Variants in FRMPD2 observed in about 807,000 individuals in gnomAD.
FRMPD2 encodes FERM and PDZ domain-containing protein 2.
A neutral mutation model predicts 140.1 loss-of-function variants in FRMPD2; 96 were observed. The ratio of observed to expected loss-of-function variants is 0.69; its 90% CI spans 0.58 to 0.81. The LOEUF (loss-of-function observed/expected upper bound fraction) is 0.81. Ranked by LOEUF, FRMPD2 falls within the 40% of genes least tolerant of loss-of-function variation. The probability of loss-of-function intolerance (pLI) is 0.00; values close to 1 mark genes in which losing one functional copy is unlikely to be tolerated. For missense variants in FRMPD2, 1,240 were observed against 1,447.4 expected, an observed-to-expected ratio of 0.86 and a Z score of 2.32; for synonymous variants, 449 against 547.6, an observed-to-expected ratio of 0.82 and a Z score of 2.52.
chr10:48,232,310 A>G (rs1260423045), intron 9 of FRMPD2, 21 bp from the exon 10 acceptor site: 3 of 1,568,540 alleles, frequency 1.9e-6, no homozygotes, highest in East Asian at 2.2e-5. Flanking sequence ...CAACAGTATC[A>G]ATTATACTAC....
Position 48,189,014 on chromosome 10 carries a change from T to C in FRMPD2, c.2166-1722A>G, listed in dbSNP as rs990947305. On this transcript the variant is annotated intron_variant, in intron 16 of 28. Coordinates refer to ENST00000374201, the MANE Select transcript of FRMPD2 (RefSeq NM_001018071.4). ...GAGCTCTGGGGATGGACTTTCGTGA[T>C]GGTAGCACAACATCATGAATGGACT... is the stretch of plus-strand genomic sequence containing the variant. 5.5e-4 allele frequency among the ~76,000 whole-genome samples: 83 copies of C among 152,200 alleles called. 3 individuals are homozygous for C.
At chr10:48,193,036 T>A (rs776296032) in intron 15 of FRMPD2, 142 bp from the exon 16 acceptor site, 17 of 654,668 alleles carry the variant, frequency 2.6e-5, no homozygotes, top group Non-Finnish European at 4.0e-5. Context: ...CCTGTGATTA[T>A]CCCTGGGAAT....
chr10:48,237,604 C>G (rs1420329661), intron 8 of FRMPD2, among the ~76,000 whole-genome samples: 1 of 152,114 alleles, frequency 6.6e-6, no homozygotes, highest in East Asian at 1.9e-4. Flanking sequence ...TATAGAAGCC[C>G]TCCCTGCGGC....
At chr10:48,235,690 G>A (rs1339332938) in intron 9 of FRMPD2, among the ~76,000 whole-genome samples, 4 of 152,228 alleles carry the variant, frequency 2.6e-5, no homozygotes, top group Non-Finnish European at 1.5e-5. Context: ...CCAGCCCTGG[G>A]GGTTGGGGAG....
intron 2 of FRMPD2, 21 bp downstream of exon 2, chr10:48,251,545 T>G: frequency 6.2e-7 from 1 of 1,611,106 alleles, no homozygotes; most frequent in Non-Finnish European, 8.5e-7. Context: ...GTGATTTGAC[T>G]GCCCCCAAAC....
At position 48,184,636 on chromosome 10, in the gene FRMPD2, T is replaced by C. The variant is rs746961325; in HGVS notation, c.2514A>G (p.Thr838=). The change falls in exon 20 of 29, where the codon ACA becomes ACG. Residue 838 remains threonine, a synonymous_variant. Transcript: ENST00000374201. ...GGATCATCCTAACAGCCATGTTGAA[T>C]GTGAAGCCCTCCAGACTGATGTGAT... ...ALNHISLEGF[T]FNMAVRMIQN... The C allele has an allele frequency of 8.1e-6, 13 of 1,613,694 alleles. 1 individual carries two copies. Among genetic ancestry groups the C allele is most frequent in the Middle Eastern group, 3.3e-4 (2 of 6,084 alleles).
At chr10:48,161,261 G>T (rs1174015614) in intron 28 of FRMPD2, among the ~76,000 whole-genome samples, 1 of 149,972 alleles carries the variant, frequency 6.7e-6, no homozygotes, top group East Asian at 2.0e-4. Flanking sequence ...ACTCTCGTGT[G>T]GCTCTAAAAG....
intron 20 of FRMPD2, among the ~76,000 whole-genome samples, chr10:48,181,858 C>CATATACATATATATATAT (rs1838557070): frequency 2.5e-5 from 2 of 79,784 alleles, no homozygotes; most frequent in Non-Finnish European, 5.4e-5. Context: ...TATATTCCCT[C>CATATACATATATATATAT]ATATATATAT....
At chr10:48,218,512 G>C (rs548710068) in intron 12 of FRMPD2, among the ~76,000 whole-genome samples, 1 of 152,292 alleles carries the variant, frequency 6.6e-6, no homozygotes, top group South Asian at 2.1e-4. Flanking sequence ...TTGGCAGTGT[G>C]AGCTCTATCC....
At chr10:48,201,448 T>C in intron 14 of FRMPD2, 64 bp from the exon 15 acceptor site, 1 of 1,484,460 alleles carries the variant, frequency 6.7e-7, no homozygotes. Flanking sequence ...GACGCACAAC[T>C]GCAAGAAAAT....
Position 48,238,059 on chromosome 10 carries a change from G to A in FRMPD2, c.853C>T (p.His285Tyr), listed in dbSNP as rs1444919832. The change falls in exon 8 of 29, where the codon CAC (histidine) becomes TAC (tyrosine). Residue 285 changes from histidine to tyrosine, a missense_variant. By Grantham distance (83) the His-to-Tyr change is moderately conservative. Transcript: ENST00000374201. ...GGCCATGAGCTGTCTGCTGCCGAGT[G>A]CACAGATCCAGAGCTGAGCCTCCGG... ...AGRRLSSGSVHSAADSSWPTT... is the reference protein window; with the variant it reads ...AGRRLSSGSVYSAADSSWPTT... 1 of 1,613,980 alleles carries A rather than the reference G, an allele frequency of 6.2e-7. No homozygotes were observed. Among genetic ancestry groups the A allele is most frequent in the African/African-American group, 1.3e-5 (1 of 75,058 alleles).
Position 48,249,165 on chromosome 10 carries a change from A to G in FRMPD2, c.165T>C (p.Tyr55=), listed in dbSNP as rs72792251. 5,447 of 1,613,998 alleles carry G rather than the reference A, an allele frequency of 3.4e-3. 20 individuals carry two copies. The highest frequency in any genetic ancestry group is 3.8e-3 in the Non-Finnish European group (4,451 of 1,179,936). ...LEDLRNDSSD[Y]VVCPWSALLS... ...GCAGGGCTGACCAGGGGCAAACCAC[A>G]TAGTCCGAGGAATCTGAAACCAAGC... is the stretch of plus-strand genomic sequence containing the variant. The change falls in exon 3 of 29, where the codon TAT becomes TAC. Residue 55 remains tyrosine (Y), a synonymous_variant. Transcript: ENST00000374201.
rs1837787095 is a variant in FRMPD2, at chr10:48,156,763, G to A, written c.*559C>T. Reference sequence around the variant, plus strand: ...ACAGACTCGTCACATGGCAAGCAGAGTCGGTCAGACTTTGGACAAGTTTAT... The same window carrying A: ...ACAGACTCGTCACATGGCAAGCAGAATCGGTCAGACTTTGGACAAGTTTAT... On this transcript the variant is annotated 3_prime_UTR_variant, in exon 29 of 29. Coordinates refer to ENST00000374201, the MANE Select transcript of FRMPD2 (RefSeq NM_001018071.4). The A allele has an allele frequency of 5.5e-6, 1 of 182,912 alleles. No homozygotes were observed. Among genetic ancestry groups the A allele is most frequent in the Non-Finnish European group, 1.1e-5 (1 of 87,814 alleles). The allele number at this position is 182,912 out of a possible 1,614,324, so 11.3% of individuals were successfully genotyped here.
chr10:48,254,827 T>A (rs1840456713), intron 1 of FRMPD2, among the ~76,000 whole-genome samples: 2 of 152,230 alleles, frequency 1.3e-5, no homozygotes, highest in South Asian at 4.1e-4. Flanking sequence ...GCAGAGCTCT[T>A]CCCCACCATA....
rs766232447 is a variant in FRMPD2, at chr10:48,262,324, A to G, written c.26-10633T>C. On this transcript the variant is annotated intron_variant, in intron 1 of 28. Transcript: ENST00000374201. The stretch of plus-strand genomic sequence containing the variant: ...CAGATATACTATGCTAACACAAATT[A>G]AAAGAAAGCTGGAGTAACCATCTTA... 4.6e-5 allele frequency among the ~76,000 whole-genome samples: 7 copies of G among 152,234 alleles called. 1 individual carries two copies. The highest frequency in any genetic ancestry group is 1.0e-4 in the Non-Finnish European group (7 of 68,038).
rs139652270 is a variant in FRMPD2 at position 48,233,196 on chromosome 10, T to C, written c.994-907A>G. ...CGAGACCATGCCTGTGGTCATACCC[T>C]GACACTCCTGGCACCCAGGGGCAGC... On this transcript the variant is annotated intron_variant, in intron 9 of 28. Transcript: ENST00000374201. Among the ~76,000 whole-genome samples the C allele has an allele frequency of 5.3e-5, 8 of 152,244 alleles. No homozygotes were observed. The East Asian group carries it at 1.2e-3, about 22-fold the overall frequency.
chr10:48,266,765 A>C (rs1840684906), intron 1 of FRMPD2, among the ~76,000 whole-genome samples: 1 of 152,240 alleles, frequency 6.6e-6, no homozygotes, highest in South Asian at 2.1e-4. Flanking sequence ...CTAGACTTCC[A>C]CTTTCCTCTG....
intron 13 of FRMPD2, among the ~76,000 whole-genome samples, chr10:48,210,975 C>T (rs967026440): frequency 8.5e-5 from 13 of 152,364 alleles, no homozygotes; most frequent in South Asian, 6.2e-4. Flanking sequence ...CGAGTGTCCT[C>T]GCACTTATCC....
intron 1 of FRMPD2, among the ~76,000 whole-genome samples, chr10:48,261,342 T>C (rs976258254): frequency 2.0e-5 from 3 of 151,124 alleles, no homozygotes; most frequent in African/African-American, 7.3e-5. Context: ...ACCCTAAACT[T>C]AAAAGTTAAA....
Sources: gnomAD v4.1 joint callset for allele counts (sites outside exome capture counted in the v4.1 genomes callset) on GRCh38, gnomAD v4.1.1 for gene constraint, MANE v1.5 for transcripts, NCBI Gene and HGNC (gene_info 2026-07-23, HGNC 2026-07-21) for gene names.